TTC7B: variants seen among roughly 807,000 people sequenced by gnomAD.
TTC7B encodes tetratricopeptide repeat domain 7B.
TTC7B carries 28 observed loss-of-function variants against 106.8 expected under a neutral mutation model. The observed-to-expected ratio is 0.26, with a 90% CI of 0.19 to 0.36. TTC7B has a LOEUF of 0.36. TTC7B is among the 10% of genes least tolerant of loss of function. The pLI, the probability that TTC7B is intolerant of heterozygous loss-of-function variation, is 1.00. For synonymous variants in TTC7B, 405 were observed against 430.6 expected (o/e 0.94, Z 0.74); for missense variants, 862 against 1,076.4 (o/e 0.80, Z 2.79).
chr14:90,762,400 AGG>A (rs374192067), intron 3 of TTC7B, among the ~76,000 whole-genome samples: 2 of 152,322 alleles, frequency 1.3e-5, no homozygotes, highest in African/African-American at 4.8e-5. Context: ...GAACAGAGAA[AGG>A]GCCCAAATCC....
chr14:90,614,562 T>C (rs1281530853), intron 16 of TTC7B, among the ~76,000 whole-genome samples: 1 of 152,218 alleles, frequency 6.6e-6, no homozygotes, highest in Non-Finnish European at 1.5e-5. Context: ...AAGAAACTGG[T>C]TGTCAGCTCA....
intron 17 of TTC7B, among the ~76,000 whole-genome samples, chr14:90,598,483 C>G (rs1892303656): frequency 6.6e-6 from 1 of 152,178 alleles, no homozygotes; most frequent in Non-Finnish European, 1.5e-5. Context: ...GGGGGGAAGG[C>G]AGCCGAGGAC....
intron 18 of TTC7B, among the ~76,000 whole-genome samples, chr14:90,590,566 T>G (rs1891912780): frequency 6.6e-6 from 1 of 152,216 alleles, no homozygotes; most frequent in Non-Finnish European, 1.5e-5. Context: ...CTGGCAGTAT[T>G]GTGGGAGCTG....
chr14:90,770,685 G>A (rs1187364975), intron 3 of TTC7B, among the ~76,000 whole-genome samples: 2 of 150,580 alleles, frequency 1.3e-5, no homozygotes, highest in East Asian at 1.9e-4. Flanking sequence ...CCAGACAGAA[G>A]TAAGGACATA....
intron 4 of TTC7B, among the ~76,000 whole-genome samples, chr14:90,734,660 C>T (rs1889451445): frequency 6.6e-6 from 1 of 152,172 alleles, no homozygotes; most frequent in East Asian, 1.9e-4. Context: ...CCCTGAACTC[C>T]CACACTGGCC....
At chr14:90,565,298 T>G (rs2139788706) in intron 19 of TTC7B, among the ~76,000 whole-genome samples, 1 of 152,344 alleles carries the variant, frequency 6.6e-6, no homozygotes, top group South Asian at 2.1e-4. Flanking sequence ...TGAACAACTT[T>G]TCCTTTGTAT....
At chr14:90,735,012 G>C (rs1889464766) in intron 4 of TTC7B, among the ~76,000 whole-genome samples, 1 of 151,966 alleles carries the variant, frequency 6.6e-6, no homozygotes, top group African/African-American at 2.4e-5. Flanking sequence ...TTGAACTCCT[G>C]ACCTCAGGTG....
At chr14:90,714,832 T>C (rs886542129) in intron 5 of TTC7B, among the ~76,000 whole-genome samples, 3 of 152,164 alleles carry the variant, frequency 2.0e-5, no homozygotes, top group African/African-American at 7.2e-5. Flanking sequence ...TACACAAAGC[T>C]GCTTTTAAAA....
chr14:90,733,707 G>A (rs567836099), intron 4 of TTC7B, among the ~76,000 whole-genome samples: 4 of 152,192 alleles, frequency 2.6e-5, no homozygotes, highest in Non-Finnish European at 4.4e-5. Context: ...GAGGAAGCAC[G>A]GGGAAGGGGC....
intron 19 of TTC7B, among the ~76,000 whole-genome samples, chr14:90,560,442 C>T (rs1890522313): frequency 6.6e-6 from 1 of 152,248 alleles, no homozygotes; most frequent in South Asian, 2.1e-4. Flanking sequence ...TGTCACAAAA[C>T]ACACTGATCC....
At chr14:90,605,582 A>C (rs1339997225) in intron 17 of TTC7B, 2 of 1,272,000 alleles carry the variant, frequency 1.6e-6, no homozygotes, top group South Asian at 2.6e-5. Context: ...ACAAGAAAGG[A>C]AAAACCATGT....
chr14:90,611,232 T>C (rs1015940064), intron 16 of TTC7B, among the ~76,000 whole-genome samples: 3 of 152,150 alleles, frequency 2.0e-5, no homozygotes, highest in African/African-American at 7.2e-5. Context: ...AAGAGTTGTC[T>C]TCATGAACCA....
At position 90,536,052 on chromosome 14, in the gene TTC7B, G is replaced by C. The variant is rs1889412214; in HGVS notation, c.*5316C>G. Reference sequence around the variant, plus strand: ...GGGGGCTCCACCCTATGAATCTGGGGGAGCAAAACTGCATCCCCAGCATGG... The same window carrying C: ...GGGGGCTCCACCCTATGAATCTGGGCGAGCAAAACTGCATCCCCAGCATGG... On this transcript the variant is annotated 3_prime_UTR_variant, in exon 20 of 20. Transcript: ENST00000328459. The C allele has an allele frequency of 6.5e-6, 1 of 154,146 alleles. No homozygotes were observed. The highest frequency in any genetic ancestry group is 1.5e-5 in the Non-Finnish European group (1 of 68,324). 9.5% of individuals were successfully genotyped at this position (154,146 alleles called of 1,614,324 possible).
intron 15 of TTC7B, among the ~76,000 whole-genome samples, chr14:90,620,427 A>G (rs757362566): frequency 6.6e-6 from 1 of 152,168 alleles, no homozygotes; most frequent in Non-Finnish European, 1.5e-5. Flanking sequence ...AGATGGGAGT[A>G]CTTTTCCACC....
Position 90,677,693 on chromosome 14 carries a change from A to G in TTC7B, c.1015-1033T>C, listed in dbSNP as rs539193318. On this transcript the variant is annotated intron_variant, in intron 8 of 19. Coordinates refer to ENST00000328459, the MANE Select transcript of TTC7B (RefSeq NM_001010854.2). ...CGGGGTCACTTGTCCCGGCAGGCTGACGTTGATCTTCCCCCTGACATTCAG... is the reference window on the plus strand; with the variant it reads ...CGGGGTCACTTGTCCCGGCAGGCTGGCGTTGATCTTCCCCCTGACATTCAG... 9.7e-5 allele frequency: 35 copies of G among 361,170 alleles called. 1 individual carries two copies. Among genetic ancestry groups the G allele is most frequent in the South Asian group, 7.2e-4 (34 of 46,928 alleles). The allele number at this position is 361,170 out of a possible 1,614,324, so 22.4% of individuals were successfully genotyped here.
At chr14:90,775,910 A>G (rs1260906237) in intron 3 of TTC7B, among the ~76,000 whole-genome samples, 1 of 151,366 alleles carries the variant, frequency 6.6e-6, no homozygotes, top group Non-Finnish European at 1.5e-5. Context: ...TTCCGGTTTA[A>G]AAATTTTAAA....
chr14:90,806,925 G>T (rs951820861), intron 1 of TTC7B, among the ~76,000 whole-genome samples: 12 of 152,010 alleles, frequency 7.9e-5, no homozygotes, highest in African/African-American at 2.7e-4. Context: ...AAAGAGTGAG[G>T]CTCAGAGAAG....
chr14:90,588,857 T>G (rs1891829449), intron 18 of TTC7B, among the ~76,000 whole-genome samples: 2 of 148,200 alleles, frequency 1.3e-5, no homozygotes, highest in South Asian at 4.2e-4. Flanking sequence ...TAAATTTATT[T>G]TAAAAAACGG....
intron 15 of TTC7B, among the ~76,000 whole-genome samples, chr14:90,626,629 G>T (rs935356647): frequency 6.6e-6 from 1 of 152,230 alleles, no homozygotes; most frequent in Non-Finnish European, 1.5e-5. Context: ...GCGATGACCA[G>T]AAGTTCAGCA....
Sources: gnomAD v4.1 joint callset for allele counts (sites outside exome capture counted in the v4.1 genomes callset) on GRCh38, gnomAD v4.1.1 for gene constraint, MANE v1.5 for transcripts, NCBI Gene and HGNC (gene_info 2026-07-23, HGNC 2026-07-21) for gene names.